ENOX1: variants seen among roughly 807,000 people sequenced by gnomAD.
ENOX1 encodes candidate growth-related and time keeping constitutive hydroquinone (NADH) oxidase.
Under a neutral mutation model 82.5 loss-of-function variants are expected in ENOX1, and 42 were observed. The ratio of observed to expected loss-of-function variants is 0.51; its 90% CI spans 0.40 to 0.66. The LOEUF is 0.66. Among genes scored for constraint, ENOX1 ranks in the 30% least tolerant of loss-of-function variants. The probability of loss-of-function intolerance (pLI) is 0.00; values close to 1 mark genes in which losing one functional copy is unlikely to be tolerated. For synonymous variants in ENOX1, 271 were observed against 282.2 expected (o/e 0.96, Z 0.40); for missense variants, 608 against 811.6 (o/e 0.75, Z 3.05).
At chr13:43,513,835 T>C (rs1276963084) in intron 2 of ENOX1, among the ~76,000 whole-genome samples, 1 of 152,070 alleles carries the variant, frequency 6.6e-6, no homozygotes, top group Non-Finnish European at 1.5e-5. Flanking sequence ...TAGCTATTAA[T>C]CACATAGTTT....
At chr13:43,604,600 T>C (rs921115468) in intron 2 of ENOX1, among the ~76,000 whole-genome samples, 2 of 152,228 alleles carry the variant, frequency 1.3e-5, no homozygotes, top group African/African-American at 4.8e-5. Context: ...TATCCTTCAT[T>C]CTGTTCATAC....
chr13:43,755,798 C>A (rs966668772), intron 1 of ENOX1, among the ~76,000 whole-genome samples: 3 of 152,162 alleles, frequency 2.0e-5, no homozygotes, highest in Non-Finnish European at 4.4e-5. Context: ...TGATTACTTT[C>A]TGGTATGATC....
Position 43,398,858 on chromosome 13 carries a change from C to T in ENOX1, c.208+13058G>A, listed in dbSNP as rs577659046. On this transcript the variant is annotated intron_variant, in intron 5 of 16. Transcript: ENST00000690772. Reference sequence around the variant, plus strand: ...TCACCCAGGCTGGAGTACACTAGCACGATCATGGTTCACTGTAGCCTCAAT... The same window carrying T: ...TCACCCAGGCTGGAGTACACTAGCATGATCATGGTTCACTGTAGCCTCAAT... Among the ~76,000 whole-genome samples, 70 of 150,212 alleles carry T rather than the reference C, an allele frequency of 4.7e-4. No homozygotes were observed. In the Middle Eastern group the frequency reaches 0.01, roughly 22 times the overall value.
At chr13:43,265,105 C>G (rs980459408) in intron 14 of ENOX1, among the ~76,000 whole-genome samples, 3 of 152,168 alleles carry the variant, frequency 2.0e-5, no homozygotes, top group Admixed American at 6.5e-5. Context: ...ATTTCCCTCC[C>G]AGTATATCAT....
At chr13:43,770,130 A>G (rs963888107) in intron 1 of ENOX1, among the ~76,000 whole-genome samples, 4 of 152,240 alleles carry the variant, frequency 2.6e-5, no homozygotes, top group African/African-American at 9.6e-5. Flanking sequence ...ACTCTAACAA[A>G]CACCATTAGC....
intron 1 of ENOX1, among the ~76,000 whole-genome samples, chr13:43,769,489 G>A (rs1951467333): frequency 6.6e-6 from 1 of 152,086 alleles, no homozygotes; most frequent in Non-Finnish European, 1.5e-5. Context: ...GAGAGTAAGT[G>A]CATAGATGGC....
intron 2 of ENOX1, among the ~76,000 whole-genome samples, chr13:43,573,552 G>A (rs1035826515): frequency 5.3e-5 from 8 of 152,240 alleles, no homozygotes; most frequent in African/African-American, 9.6e-5. Flanking sequence ...TGGCTGTCAC[G>A]GCAAGAATGA....
At chr13:43,239,080 C>T (rs2042690932) in intron 14 of ENOX1, among the ~76,000 whole-genome samples, 1 of 152,172 alleles carries the variant, frequency 6.6e-6, no homozygotes, top group African/African-American at 2.4e-5. Context: ...AGATAAGACC[C>T]AGTGACTCTT....
intron 5 of ENOX1, among the ~76,000 whole-genome samples, chr13:43,379,994 A>C (rs931896148): frequency 1.3e-5 from 2 of 151,906 alleles, no homozygotes; most frequent in African/African-American, 4.8e-5. Context: ...AAGCCAGAAG[A>C]CACTAGAATA....
At chr13:43,685,873 A>AACAT (rs2086043609) in intron 1 of ENOX1, among the ~76,000 whole-genome samples, 1 of 141,422 alleles carries the variant, frequency 7.1e-6, no homozygotes, top group Non-Finnish European at 1.5e-5. Flanking sequence ...CCCAGAAGGA[A>AACAT]ACACACACAC....
At position 43,711,165 on chromosome 13, in the gene ENOX1, C is replaced by T. The variant is rs184685219; in HGVS notation, c.-284-43621G>A. The stretch of plus-strand genomic sequence containing the variant: ...ATTCCCACCTAGGAGTGAGAACATG[C>T]GGTGTTTGGTTTTTTGTCCTTGCGA... On this transcript the variant is annotated intron_variant, in intron 1 of 16. Coordinates refer to ENST00000690772, the MANE Select transcript of ENOX1 (RefSeq NM_001347969.2). Among the ~76,000 whole-genome samples, 121 of 147,340 alleles carry T rather than the reference C, an allele frequency of 8.2e-4. 2 individuals carry two copies. The South Asian group carries it at 0.013, about 16-fold the overall frequency.
intron 12 of ENOX1, among the ~76,000 whole-genome samples, chr13:43,272,462 C>T (rs2153483823): frequency 6.6e-6 from 1 of 152,282 alleles, no homozygotes; most frequent in Middle Eastern, 3.4e-3. Flanking sequence ...AGCTGCTGTG[C>T]TCTACTGAAT....
intron 2 of ENOX1, among the ~76,000 whole-genome samples, chr13:43,610,586 G>A (rs2082158351): frequency 1.3e-5 from 2 of 152,162 alleles, no homozygotes; most frequent in East Asian, 1.9e-4. Context: ...TTTTATTTGG[G>A]TCAGTCTTTC....
At chr13:43,508,674 C>T (rs1010103498) in intron 2 of ENOX1, among the ~76,000 whole-genome samples, 1 of 151,888 alleles carries the variant, frequency 6.6e-6, no homozygotes, top group Admixed American at 6.6e-5. Context: ...CATTATGTAT[C>T]ACAGTGATTA....
At chr13:43,540,916 G>C (rs2078678904) in intron 2 of ENOX1, among the ~76,000 whole-genome samples, 2 of 152,108 alleles carry the variant, frequency 1.3e-5, no homozygotes, top group Non-Finnish European at 2.9e-5. Context: ...CAGCACATAA[G>C]AATCTCATGT....
At chr13:43,578,519 A>G (rs1450582243) in intron 2 of ENOX1, among the ~76,000 whole-genome samples, 1 of 152,174 alleles carries the variant, frequency 6.6e-6, no homozygotes. Flanking sequence ...AATATAATGA[A>G]ATTTATCCTC....
intron 1 of ENOX1, among the ~76,000 whole-genome samples, chr13:43,773,242 A>G (rs1951742044): frequency 1.3e-5 from 2 of 152,224 alleles, no homozygotes; most frequent in Non-Finnish European, 2.9e-5. Flanking sequence ...CTGCTTAAGG[A>G]GTATAGGATT....
In ENOX1 at chr13:43,417,060, C is replaced by A. The variant is rs190922330; in HGVS notation, c.-74-4072G>T. Among the ~76,000 whole-genome samples, 578 of 152,254 alleles carry A rather than the reference C, an allele frequency of 3.8e-3. 4 individuals are homozygous for A. The highest frequency in any genetic ancestry group is 0.013 in the African/African-American group (548 of 41,544). On this transcript the variant is annotated intron_variant, in intron 3 of 16. Transcript: ENST00000690772. Reference sequence around the variant, plus strand: ...CCTGTCTCCACCAAAAATACAAAAACCAGTCAGGCGTGGTGGCGTGCGCCT... The same window carrying A: ...CCTGTCTCCACCAAAAATACAAAAAACAGTCAGGCGTGGTGGCGTGCGCCT...
intron 13 of ENOX1, among the ~76,000 whole-genome samples, chr13:43,267,660 C>T (rs1045443073): frequency 6.6e-6 from 1 of 152,200 alleles, no homozygotes; most frequent in Non-Finnish European, 1.5e-5. Context: ...GAGGTGTCAT[C>T]AGTGCACATC....
Sources: gnomAD v4.1 joint callset for allele counts (sites outside exome capture counted in the v4.1 genomes callset) on GRCh38, gnomAD v4.1.1 for gene constraint, MANE v1.5 for transcripts, NCBI Gene and HGNC (gene_info 2026-07-23, HGNC 2026-07-21) for gene names.